SLC25A28: variants seen among roughly 807,000 people sequenced by gnomAD.
The protein encoded by SLC25A28 is mitoferrin-2.
A neutral mutation model predicts 31.9 loss-of-function variants in SLC25A28; 10 were observed. That is an observed-to-expected ratio of 0.31 (90% CI 0.19 to 0.53). The LOEUF (loss-of-function observed/expected upper bound fraction) is 0.53, where lower values mean the gene tolerates loss of function less well. Ranked by LOEUF, SLC25A28 falls within the 20% of genes least tolerant of loss-of-function variation. The pLI, the probability that SLC25A28 is intolerant of heterozygous loss-of-function variation, is 0.95. For synonymous variants in SLC25A28, 208 were observed against 203.6 expected (o/e 1.02, Z -0.19); for missense variants, 256 against 490.3 (o/e 0.52, Z 4.51).
At position 99,620,189 on chromosome 10, in the gene SLC25A28, G is replaced by T; in HGVS notation, c.147C>A (p.Cys49Ter). Reference sequence around the variant, plus strand: ...CCGGATCTTGTCGTACCGGGGGCCTGCAGGCCCCGGCCTCCCCGCCGCCGG... The same window carrying T: ...CCGGATCTTGTCGTACCGGGGGCCTTCAGGCCCCGGCCTCCCCGCCGCCGG... ...RGAGGGEAGA[C>*]RPPVRQDPDS... Residue 49 changes from cysteine (C) to a stop codon, truncating the protein, a stop_gained, in exon 1 of 4, where the codon TGC (cysteine) becomes TGA (stop). Transcript: ENST00000370495. LOFTEE classifies it high-confidence loss of function. 6.8e-7 allele frequency: 1 copy of T among 1,478,646 alleles called. No homozygotes were observed. Among genetic ancestry groups the T allele is most frequent in the Non-Finnish European group, 8.9e-7 (1 of 1,117,786 alleles). The allele number at this position is 1,478,646 out of a possible 1,614,324, so 91.6% of individuals were successfully genotyped here. A position where few individuals can be genotyped will look rare whatever the true frequency, so the allele number is the denominator to read the frequency against.
the SLC25A28 span, among the ~76,000 whole-genome samples, chr10:99,658,387 G>A: frequency 4.6e-5 from 7 of 152,146 alleles, no homozygotes; most frequent in Non-Finnish European, 1.0e-4. Context: ...CCAGGCAGTG[G>A]CCAGTATTGG....
Position 99,613,489 on chromosome 10 carries a change from C to A in SLC25A28, c.520+207G>T. ...TGGTAGGTAAGGGAGGATACTGTAA[C>A]CCTTTGTTGAGGTGCCCCAAAGGAA... On this transcript the variant is annotated intron_variant, in intron 2 of 3. Transcript: ENST00000370495. The surrounding 1 kb of genome is among the most constrained non-coding windows in gnomAD (Gnocchi z 4.9). The A allele has an allele frequency of 1.4e-6, 2 of 1,434,142 alleles. No homozygotes were observed. Among genetic ancestry groups the A allele is most frequent in the South Asian group, 3.0e-5 (2 of 67,566 alleles). The allele number at this position is 1,434,142 out of a possible 1,614,324, so 88.8% of individuals were successfully genotyped here.
At chr10:99,615,828 G>A (rs2034638607) in intron 1 of SLC25A28, 1 of 985,382 alleles carries the variant, frequency 1.0e-6, no homozygotes, top group Non-Finnish European at 1.2e-6. Flanking sequence ...TGTATAAGGG[G>A]AATGTTCAGC....
the SLC25A28 span, among the ~76,000 whole-genome samples, chr10:99,635,677 C>CA: frequency 2.3e-3 from 339 of 146,710 alleles, 2 homozygotes; most frequent in Admixed American, 4.6e-3. Flanking sequence ...GATTCCATCT[C>CA]AAAAAAAAAA....
At chr10:99,633,978 T>A in the SLC25A28 span, among the ~76,000 whole-genome samples, 1 of 152,298 alleles carries the variant, frequency 6.6e-6, no homozygotes, top group Non-Finnish European at 1.5e-5. Flanking sequence ...ATCACAGGAC[T>A]CTGTGATAAC....
At chr10:99,619,492 A>AG in intron 1 of SLC25A28, 1 of 845,808 alleles carries the variant, frequency 1.2e-6, no homozygotes, top group Non-Finnish European at 1.4e-6. Flanking sequence ...CCAGTCTGGA[A>AG]TTCTGCATTC....
At chr10:99,616,531 A>T in intron 1 of SLC25A28, 2 of 985,132 alleles carry the variant, frequency 2.0e-6, no homozygotes, top group Admixed American at 1.2e-4. Flanking sequence ...ACAAATATAC[A>T]TGGGCAACTA....
the SLC25A28 span, among the ~76,000 whole-genome samples, chr10:99,630,469 A>G: frequency 2.0e-5 from 3 of 152,106 alleles, no homozygotes; most frequent in Admixed American, 2.0e-4. Context: ...AGGCCTAAAA[A>G]TCATCTTCAG....
the SLC25A28 span, among the ~76,000 whole-genome samples, chr10:99,643,436 G>T: frequency 2.0e-5 from 3 of 151,996 alleles, no homozygotes; most frequent in Admixed American, 2.0e-4. Flanking sequence ...TTTTCATCGC[G>T]TCTATTTGAT....
At chr10:99,638,645 C>T in the SLC25A28 span, among the ~76,000 whole-genome samples, 1 of 152,154 alleles carries the variant, frequency 6.6e-6, no homozygotes, top group East Asian at 1.9e-4. Flanking sequence ...AGACAATTCT[C>T]AGAAGAAGAT....
At chr10:99,614,892 G>T (rs367898360) in intron 1 of SLC25A28, among the ~76,000 whole-genome samples, 10 of 152,092 alleles carry the variant, frequency 6.6e-5, no homozygotes, top group Admixed American at 5.9e-4. Context: ...TCAATGTCTG[G>T]TGCCTGACAC....
intron 1 of SLC25A28, chr10:99,615,535 A>C: frequency 1.0e-6 from 1 of 985,362 alleles, no homozygotes; most frequent in Non-Finnish European, 1.2e-6. Flanking sequence ...AAAAAACCGG[A>C]AGCTTAAAAG....
At chr10:99,631,138 T>C in the SLC25A28 span, among the ~76,000 whole-genome samples, 1 of 152,104 alleles carries the variant, frequency 6.6e-6, no homozygotes, top group South Asian at 2.1e-4. Context: ...GAGCAGTCCT[T>C]GAGAGGCTTT....
intron 1 of SLC25A28, 136 bp from the exon 2 acceptor site, chr10:99,614,060 C>A: frequency 9.3e-7 from 1 of 1,072,756 alleles, no homozygotes; most frequent in Non-Finnish European, 1.3e-6. Flanking sequence ...TATTTCCAAT[C>A]TATAGCTGAT....
At chr10:99,639,350 G>T in the SLC25A28 span, among the ~76,000 whole-genome samples, 1 of 151,744 alleles carries the variant, frequency 6.6e-6, no homozygotes, top group East Asian at 1.9e-4. Context: ...GGTGGGAGGG[G>T]GGCGAGGGAT....
At chr10:99,632,241 T>G in the SLC25A28 span, among the ~76,000 whole-genome samples, 1 of 152,152 alleles carries the variant, frequency 6.6e-6, no homozygotes, top group African/African-American at 2.4e-5. Context: ...CTACATAACA[T>G]TTACATTGTA....
chr10:99,638,809 G>C, the SLC25A28 span, among the ~76,000 whole-genome samples: 1 of 152,170 alleles, frequency 6.6e-6, no homozygotes, highest in African/African-American at 2.4e-5. Context: ...TGGATGCAGT[G>C]ATCAGGGAAC....
chr10:99,658,923 G>C, the SLC25A28 span, among the ~76,000 whole-genome samples: 81 of 152,336 alleles, frequency 5.3e-4, 1 homozygote, highest in Middle Eastern at 0.01. Context: ...TTCAATGAAT[G>C]AATGAATGGA....
Position 99,611,990 on chromosome 10 carries a change from C to T in SLC25A28, c.577+553G>A, listed in dbSNP as rs774727047. Among the ~76,000 whole-genome samples the T allele has an allele frequency of 2.6e-5, 4 of 152,182 alleles. No individual in the cohort carries two copies. The highest frequency in any genetic ancestry group is 3.9e-4 in the East Asian group (2 of 5,184). ...TGGCCTTGCCCAGACAGAAAATGAA[C>T]GTGGCAACAATGCTATCCCTTCATA... On this transcript the variant is annotated intron_variant, in intron 3 of 3. Coordinates refer to ENST00000370495, the MANE Select transcript of SLC25A28 (RefSeq NM_031212.4). This position sits in a 1 kb window ranked among gnomAD's most constrained non-coding sequence, Gnocchi z 5.5.
Sources: allele counts gnomAD v4.1 joint callset (sites outside exome capture counted in the v4.1 genomes callset), GRCh38; gene constraint gnomAD v4.1.1; non-coding constraint Gnocchi (gnomAD v3.1); transcripts MANE v1.5; gene names NCBI Gene and HGNC (gene_info 2026-07-23, HGNC 2026-07-21).